The following CDK20 variants were observed in gnomAD, a reference collection of about 807,000 sequenced individuals.
The protein encoded by CDK20 is cyclin dependent kinase 20.
CDK20 carries 40 observed loss-of-function variants against 38.6 expected under a neutral mutation model. The observed-to-expected ratio is 1.04, with a 90% CI of 0.81 to 1.35. The LOEUF (loss-of-function observed/expected upper bound fraction) is 1.35, where lower values mean the gene tolerates loss of function less well. Ranked by LOEUF, CDK20 falls within the 40% of genes most tolerant of loss-of-function variation. CDK20 has a pLI of 0.00. For missense variants in CDK20, 512 were observed against 452.6 expected, an observed-to-expected ratio of 1.13 and a Z score of -1.19; for synonymous variants, 209 against 185.7, an observed-to-expected ratio of 1.13 and a Z score of -1.02.
intron 2 of CDK20, among the ~76,000 whole-genome samples, chr9:87,971,961 T>C (rs904409622): frequency 2.4e-4 from 36 of 152,228 alleles, no homozygotes; most frequent in African/African-American, 7.5e-4. Flanking sequence ...CCCAGTACTT[T>C]GAGAGGCCAA....
chr9:87,971,536 C>G (rs1420053840), intron 2 of CDK20, among the ~76,000 whole-genome samples: 2 of 152,196 alleles, frequency 1.3e-5, no homozygotes, highest in Non-Finnish European at 2.9e-5. Context: ...GGTGTGCCCC[C>G]ACTCTAATTC....
At chr9:87,973,777 G>A (rs1830029527) in intron 2 of CDK20, 145 bp downstream of exon 2, 6 of 783,988 alleles carry the variant, frequency 7.7e-6, no homozygotes, top group Non-Finnish European at 1.2e-5. Flanking sequence ...GGGGTAAGGA[G>A]GCAGATGAAT....
At chr9:87,971,743 C>T (rs1040984397) in intron 2 of CDK20, among the ~76,000 whole-genome samples, 1 of 152,146 alleles carries the variant, frequency 6.6e-6, no homozygotes, top group African/African-American at 2.4e-5. Context: ...GCTGGGACAG[C>T]TACAGACACA....
At chr9:87,973,651 A>T (rs1014523356) in intron 2 of CDK20, among the ~76,000 whole-genome samples, 7 of 151,798 alleles carry the variant, frequency 4.6e-5, no homozygotes, top group African/African-American at 1.7e-4. Flanking sequence ...TTTGAGAAAA[A>T]AAGTCGGTGA....
intron 2 of CDK20, among the ~76,000 whole-genome samples, chr9:87,972,931 A>G (rs560133029): frequency 6.6e-6 from 1 of 152,326 alleles, no homozygotes; most frequent in African/African-American, 2.4e-5. Flanking sequence ...ACATGCACAC[A>G]TTCAGGTAAG....
intron 7 of CDK20, 153 bp downstream of exon 7, chr9:87,969,041 G>C: frequency 1.2e-6 from 1 of 846,636 alleles, no homozygotes; most frequent in Non-Finnish European, 1.8e-6. Flanking sequence ...CAAGGCCCCT[G>C]TCCCCTGGGT....
intron 3 of CDK20, 25 bp from the exon 4 acceptor site, chr9:87,970,922 G>T: frequency 6.2e-7 from 1 of 1,613,950 alleles, no homozygotes; most frequent in South Asian, 1.1e-5. Flanking sequence ...AGAAGCATCA[G>T]TCCCTCCAAA....
chr9:87,973,541 G>C (rs1198835539), intron 2 of CDK20, among the ~76,000 whole-genome samples: 1 of 152,194 alleles, frequency 6.6e-6, no homozygotes, highest in Non-Finnish European at 1.5e-5. Context: ...AACCTGCCTT[G>C]TACAGTAGTA....
intron 1 of CDK20, 23 bp downstream of exon 1, chr9:87,974,349 T>C: frequency 6.2e-7 from 1 of 1,608,592 alleles, no homozygotes; most frequent in Non-Finnish European, 8.5e-7. Context: ...CCCGCCAGGC[T>C]GCCGGCCGCG....
At position 87,973,951 on chromosome 9, in the gene CDK20, C is replaced by T. The variant is rs773026901; in HGVS notation, c.160G>A (p.Ala54Thr). The T allele has an allele frequency of 4.3e-6, 7 of 1,614,012 alleles. No individual in the cohort carries two copies. Among genetic ancestry groups the T allele is most frequent in the Non-Finnish European group, 5.9e-6 (7 of 1,179,996 alleles). ...TGATTGTCCTCCATCTCCTGCAGAG[C>T]CTTAATCTCCCGCAGGGCCTGGTTA... is the stretch of plus-strand genomic sequence containing the variant. ...FPNQALREIK[A>T]LQEMEDNQYV... The change falls in exon 2 of 8, where the codon GCT becomes ACT. Residue 54 changes from alanine (A) to threonine (T), a missense_variant. Physicochemically the swap from Ala to Thr is moderately conservative, Grantham distance 58. Coordinates refer to ENST00000325303, the MANE Select transcript of CDK20 (RefSeq NM_001039803.3).
At chr9:87,969,549 C>G in intron 6 of CDK20, 200 bp from the exon 7 acceptor site, 3 of 765,566 alleles carry the variant, frequency 3.9e-6, no homozygotes, top group Middle Eastern at 3.6e-4. Flanking sequence ...GATGACGACT[C>G]TGTGCACAGC....
chr9:87,969,726 G>A (rs2118214435), intron 6 of CDK20, 70 bp downstream of exon 6: 2 of 1,604,102 alleles, frequency 1.2e-6, no homozygotes, highest in East Asian at 2.2e-5. Flanking sequence ...TCAGGGGAGG[G>A]AGTGGTTACT....
chr9:87,970,958 G>T, intron 3 of CDK20, 61 bp from the exon 4 acceptor site: 2 of 1,602,858 alleles, frequency 1.2e-6, no homozygotes, highest in Admixed American at 3.4e-5. Flanking sequence ...TGGGACAAGC[G>T]GGCTTGGCAG....
intron 7 of CDK20, 190 bp from the exon 8 acceptor site, chr9:87,967,849 T>C (rs1464897280): frequency 1.8e-6 from 1 of 545,310 alleles, no homozygotes; most frequent in Non-Finnish European, 3.2e-6. Flanking sequence ...ACAAAAGCTC[T>C]GTTTTTCTGA....
At chr9:87,969,607 G>A in intron 6 of CDK20, 189 bp downstream of exon 6, 1 of 930,050 alleles carries the variant, frequency 1.1e-6, no homozygotes, top group Non-Finnish European at 1.6e-6. Context: ...AGGGACAAAG[G>A]ACAGGATCTA....
In CDK20 at chr9:87,974,442, T is replaced by G. The variant is rs766135077; in HGVS notation, c.5A>C (p.Asp2Ala). The G allele has an allele frequency of 1.9e-6, 3 of 1,611,854 alleles. No homozygotes were observed. The South Asian group carries it at 3.3e-5, about 18-fold the overall frequency. The change falls in exon 1 of 8, where the codon GAC (aspartate) becomes GCC (alanine). Residue 2 changes from aspartate (D) to alanine (A), a missense_variant. Physicochemically the swap from Asp to Ala is moderately radical, Grantham distance 126. Transcript: ENST00000325303. The stretch of plus-strand genomic sequence containing the variant: ...GATGCGGCCCAGGATGCAGTACTGG[T>G]CCATCCCGCTGCAGTCGTGGGCCTG... M[D>A]QYCILGRIGE...
At chr9:87,972,930 C>T (rs1340524111) in intron 2 of CDK20, among the ~76,000 whole-genome samples, 1 of 152,270 alleles carries the variant, frequency 6.6e-6, no homozygotes, top group East Asian at 1.9e-4. Flanking sequence ...CACATGCACA[C>T]ATTCAGGTAA....
At chr9:87,973,630 T>C (rs906863618) in intron 2 of CDK20, among the ~76,000 whole-genome samples, 2 of 152,064 alleles carry the variant, frequency 1.3e-5, no homozygotes, top group African/African-American at 4.8e-5. Context: ...ACATTATAAA[T>C]CACTACATGT....
In CDK20 at chr9:87,971,304, C is replaced by T. The variant is rs764037601; in HGVS notation, c.221G>A (p.Gly74Asp). The T allele has an allele frequency of 1.2e-6, 2 of 1,613,826 alleles. No homozygotes were observed. Among genetic ancestry groups the T allele is most frequent in the Admixed American group, 1.7e-5 (1 of 59,962 alleles). Reference sequence around the variant, plus strand: ...CTCAAAGGCCAGCACAAAGCCTCCACCGTGTGGGAACACAGCCTTCAGTTG... The same window carrying T: ...CTCAAAGGCCAGCACAAAGCCTCCATCGTGTGGGAACACAGCCTTCAGTTG... ...VVQLKAVFPH[G>D]GGFVLAFEFM... Residue 74 changes from glycine to aspartate, a missense_variant, in exon 3 of 8, where the codon GGT becomes GAT. Transcript: ENST00000325303.
Sources: allele counts gnomAD v4.1 joint callset (sites outside exome capture counted in the v4.1 genomes callset), GRCh38; gene constraint gnomAD v4.1.1; transcripts MANE v1.5; gene names NCBI Gene and HGNC (gene_info 2026-07-23, HGNC 2026-07-21).